PTPN13: variants seen among roughly 807,000 people sequenced by gnomAD.
PTPN13 encodes protein tyrosine phosphatase non-receptor type 13, also known as tyrosine-protein phosphatase non-receptor type 13.
In PTPN13, 191 loss-of-function variants were observed where a neutral mutation model predicts 284.0. That is an observed-to-expected ratio of 0.67 (90% CI 0.60 to 0.76). The LOEUF is 0.76. Among genes scored for constraint, PTPN13 ranks in the 30% least tolerant of loss-of-function variants. The pLI, the probability that PTPN13 is intolerant of heterozygous loss-of-function variation, is 0.00. For missense variants in PTPN13, 2,797 were observed against 2,939.9 expected (o/e 0.95, Z 1.12); for synonymous variants, 986 against 1,022.3 (o/e 0.96, Z 0.68).
intron 9 of PTPN13, among the ~76,000 whole-genome samples, chr4:86,721,156 A>C (rs1013146929): frequency 1.3e-5 from 2 of 152,024 alleles, no homozygotes; most frequent in Non-Finnish European, 2.9e-5. Flanking sequence ...TAACAATGAT[A>C]ATTATTTTGC....
In PTPN13 at chr4:86,762,693, C is replaced by T. The variant is rs1033649579; in HGVS notation, c.3554-34C>T. 5.4e-6 allele frequency: 8 copies of T among 1,480,202 alleles called. No individual in the cohort carries two copies. The Admixed American group carries it at 8.9e-5, about 16-fold the overall frequency. The allele number at this position is 1,480,202 out of a possible 1,614,324, so 91.7% of individuals were successfully genotyped here. A position where few individuals can be genotyped will look rare whatever the true frequency, so the allele number is the denominator to read the frequency against. On this transcript the variant is annotated intron_variant, in intron 23 of 47. Coordinates refer to ENST00000411767, the MANE Select transcript of PTPN13 (RefSeq NM_080683.3). Reference sequence around the variant, plus strand: ...TGTGTGTAAGCACGTGTATCACTAACTTGTTACTCTCATTGATGGATTTTG... The same window carrying T: ...TGTGTGTAAGCACGTGTATCACTAATTTGTTACTCTCATTGATGGATTTTG...
intron 40 of PTPN13, among the ~76,000 whole-genome samples, chr4:86,788,289 A>G (rs1742220707): frequency 6.6e-6 from 1 of 152,192 alleles, no homozygotes; most frequent in South Asian, 2.1e-4. Flanking sequence ...TTTCTGTTTC[A>G]TCTTGTATTT....
At chr4:86,682,792 T>C (rs1024510403) in intron 3 of PTPN13, among the ~76,000 whole-genome samples, 3 of 152,216 alleles carry the variant, frequency 2.0e-5, no homozygotes, top group African/African-American at 7.2e-5. Flanking sequence ...CAAACGCTTT[T>C]AATTTATGAA....
intron 37 of PTPN13, among the ~76,000 whole-genome samples, chr4:86,783,625 T>C (rs1418167616): frequency 1.3e-5 from 2 of 152,120 alleles, no homozygotes; most frequent in Non-Finnish European, 2.9e-5. Flanking sequence ...CATAATCCAG[T>C]GATGCTTTTT....
intron 36 of PTPN13, among the ~76,000 whole-genome samples, chr4:86,781,776 A>G (rs926429134): frequency 6.6e-6 from 1 of 152,118 alleles, no homozygotes; most frequent in Non-Finnish European, 1.5e-5. Flanking sequence ...CATCCTGGCC[A>G]ACATGGTGAA....
At chr4:86,720,799 A>G (rs1398233258) in intron 9 of PTPN13, among the ~76,000 whole-genome samples, 1 of 152,204 alleles carries the variant, frequency 6.6e-6, no homozygotes, top group East Asian at 1.9e-4. Context: ...AAACAGATCC[A>G]GAGAGTGCTA....
Position 86,769,820 on chromosome 4 carries a change from G to A in PTPN13, c.4541G>A (p.Ser1514Asn). The change falls in exon 29 of 48, where the codon AGT becomes AAT. Residue 1514 changes from serine to asparagine, a missense_variant. Coordinates refer to ENST00000411767, the MANE Select transcript of PTPN13 (RefSeq NM_080683.3). The stretch of plus-strand genomic sequence containing the variant: ...AAAAATAGCTCAGGTCTAGGATTCA[G>A]TTTTTCTCGAGAAGATAATCTTATA... ...LFKNSSGLGFSFSREDNLIPE... is the reference protein window; with the variant it reads ...LFKNSSGLGFNFSREDNLIPE... The A allele has an allele frequency of 6.2e-7, 1 of 1,613,504 alleles. No individual in the cohort carries two copies. Among genetic ancestry groups the A allele is most frequent in the Middle Eastern group, 1.6e-4 (1 of 6,062 alleles).
intron 35 of PTPN13, among the ~76,000 whole-genome samples, 179 bp from the exon 36 acceptor site, chr4:86,780,223 A>G (rs1741140776): frequency 6.6e-6 from 1 of 151,212 alleles, no homozygotes; most frequent in South Asian, 2.1e-4. Context: ...ACATGAAAAA[A>G]CCCCATCTCT....
intron 15 of PTPN13, 21 bp from the exon 16 acceptor site, chr4:86,741,613 G>A (rs747946298): frequency 6.3e-7 from 1 of 1,598,804 alleles, no homozygotes; most frequent in African/African-American, 1.3e-5. Context: ...GTATTGCTAT[G>A]GTATGGTATT....
rs1578261404 is a variant in PTPN13, at chr4:86,618,005, C to T, written c.-5-17247C>T. Reference sequence around the variant, plus strand: ...TTAGACATGAAGTCCTTGCCCATGCCTATGTCCTGAATGGTAATACCAAGG... The same window carrying T: ...TTAGACATGAAGTCCTTGCCCATGCTTATGTCCTGAATGGTAATACCAAGG... On this transcript the variant is annotated intron_variant, in intron 1 of 47. Coordinates refer to ENST00000411767, the MANE Select transcript of PTPN13 (RefSeq NM_080683.3). Among the ~76,000 whole-genome samples the T allele has an allele frequency of 2.0e-5, 3 of 152,060 alleles. No individual in the cohort carries two copies. In the East Asian group the frequency reaches 5.8e-4, roughly 29 times the overall value.
chr4:86,619,017 G>A (rs2148656227), intron 1 of PTPN13, among the ~76,000 whole-genome samples: 1 of 152,258 alleles, frequency 6.6e-6, no homozygotes, highest in South Asian at 2.1e-4. Context: ...AGTTTTCAAA[G>A]GGAATGCTTC....
Position 86,722,422 on chromosome 4 carries a change from A to G in PTPN13, c.1596A>G (p.Gln532=). The G allele has an allele frequency of 6.2e-7, 1 of 1,612,126 alleles. No homozygotes were observed. The highest frequency in any genetic ancestry group is 8.5e-7 in the Non-Finnish European group (1 of 1,178,272). ...TTGCCCTAGAAACAGCCATGACTCAAAGAAAACTGAGGGTAAGTTGATTCT... is the reference window on the plus strand; with the variant it reads ...TTGCCCTAGAAACAGCCATGACTCAGAGAAAACTGAGGGTAAGTTGATTCT... ...REIALETAMT[Q]RKLRNFFGPE... is the part of the protein sequence containing the mutation. The change falls in exon 10 of 48, where the codon CAA becomes CAG. Residue 532 remains glutamine (Q), a synonymous_variant. Transcript: ENST00000411767.
intron 7 of PTPN13, among the ~76,000 whole-genome samples, chr4:86,705,146 T>C (rs967902416): frequency 1.6e-4 from 25 of 151,908 alleles, no homozygotes; most frequent in Non-Finnish European, 2.2e-4. Context: ...CCATCCTGGC[T>C]AACACGGTGA....
intron 14 of PTPN13, 138 bp from the exon 15 acceptor site, chr4:86,735,455 TA>T: frequency 1.1e-6 from 1 of 876,456 alleles, no homozygotes; most frequent in Non-Finnish European, 1.7e-6. Context: ...GCATTTCTTC[TA>T]AAACTCATTC....
In PTPN13 at chr4:86,608,889, A is replaced by G. The variant is rs140967549; in HGVS notation, c.-6+14100A>G. ...TCCTTTGGTTTGGTTGATGGCAGTT[A>G]TTTACAGAGCCCCAAACTGTTGTTG... is the stretch of plus-strand genomic sequence containing the variant. On this transcript the variant is annotated intron_variant, in intron 1 of 47. Transcript: ENST00000411767. 1.5e-3 allele frequency among the ~76,000 whole-genome samples: 221 copies of G among 152,274 alleles called. 2 individuals are homozygous for G. Among genetic ancestry groups the G allele is most frequent in the African/African-American group, 5.0e-3 (209 of 41,574 alleles).
At chr4:86,748,974 CA>C (rs1335219226) in intron 17 of PTPN13, among the ~76,000 whole-genome samples, 1 of 152,110 alleles carries the variant, frequency 6.6e-6, no homozygotes, top group African/African-American at 2.4e-5. Context: ...GAATTTTTAA[CA>C]AAGGTGTATT....
intron 4 of PTPN13, 123 bp downstream of exon 4, chr4:86,686,898 A>G (rs971892942): frequency 5.8e-6 from 4 of 691,392 alleles, no homozygotes; most frequent in African/African-American, 3.8e-5. Flanking sequence ...CAACATTCCT[A>G]TGGAGTTTGT....
At chr4:86,595,844 A>T in intron 1 of PTPN13, 2 of 707,676 alleles carry the variant, frequency 2.8e-6, no homozygotes, top group African/African-American at 2.0e-5. Flanking sequence ...TTACTAAAGG[A>T]TGGGGGGGGG....
intron 2 of PTPN13, among the ~76,000 whole-genome samples, chr4:86,662,582 G>A (rs1300756871): frequency 2.0e-5 from 3 of 152,068 alleles, no homozygotes; most frequent in South Asian, 2.1e-4. Flanking sequence ...CACCTGCCTC[G>A]GCCTCCCAAA....
Sources: gnomAD v4.1 joint callset for allele counts (sites outside exome capture counted in the v4.1 genomes callset) on GRCh38, gnomAD v4.1.1 for gene constraint, MANE v1.5 for transcripts, NCBI Gene and HGNC (gene_info 2026-07-23, HGNC 2026-07-21) for gene names.